DNAH6: variants seen among roughly 807,000 people sequenced by gnomAD.
The protein encoded by DNAH6 is dynein axonemal heavy chain 6, also known as axonemal beta dynein heavy chain 6.
DNAH6 carries 340 observed loss-of-function variants against 491.4 expected under a neutral mutation model. The observed-to-expected ratio is 0.69, with a 90% CI of 0.63 to 0.76. The LOEUF (loss-of-function observed/expected upper bound fraction) is 0.76, where lower values mean the gene tolerates loss of function less well. Among genes scored for constraint, DNAH6 ranks in the 30% least tolerant of loss-of-function variants. DNAH6 has a pLI of 0.00. For missense variants in DNAH6, 4,443 were observed against 4,972.2 expected (o/e 0.89, Z 3.20); for synonymous variants, 1,603 against 1,686.1 (o/e 0.95, Z 1.21).
intron 68 of DNAH6, among the ~76,000 whole-genome samples, chr2:84,791,160 A>G (rs1040536164): frequency 4.2e-4 from 64 of 151,116 alleles, no homozygotes; most frequent in African/African-American, 1.4e-3. Context: ...ACTGCACTCC[A>G]GCCTGGGCGA....
chr2:84,567,999 T>C (rs1681389560), intron 11 of DNAH6, among the ~76,000 whole-genome samples: 1 of 152,150 alleles, frequency 6.6e-6, no homozygotes, highest in African/African-American at 2.4e-5. Flanking sequence ...TCACTGATCA[T>C]TAGAGAAATG....
Position 84,715,609 on chromosome 2 carries a change from TGGA to T in DNAH6, c.9597_9599del (p.Glu3199del). The T allele has an allele frequency of 1.3e-6, 2 of 1,551,592 alleles. No homozygotes were observed. Among genetic ancestry groups the T allele is most frequent in the Non-Finnish European group, 1.7e-6 (2 of 1,146,932 alleles). ...AATTTCACTGTAACAAAATCAGGCC[TGGA>T]GGATCAGTTGTTAAGGTAAAAAAAC... is the stretch of plus-strand genomic sequence containing the variant. On this transcript the variant is annotated inframe_deletion, in exon 58 of 77. Coordinates refer to ENST00000389394, the MANE Select transcript of DNAH6 (RefSeq NM_001370.2).
At chr2:84,586,736 G>T (rs950841497) in intron 15 of DNAH6, among the ~76,000 whole-genome samples, 1 of 152,170 alleles carries the variant, frequency 6.6e-6, no homozygotes, top group African/African-American at 2.4e-5. Flanking sequence ...TAAGTAACTT[G>T]CCAAGGGTCA....
chr2:84,804,833 T>G (rs1679264389), intron 70 of DNAH6, among the ~76,000 whole-genome samples: 1 of 152,212 alleles, frequency 6.6e-6, no homozygotes, highest in Non-Finnish European at 1.5e-5. Flanking sequence ...TATTTCCTTT[T>G]GAAATAGGGC....
intron 29 of DNAH6, among the ~76,000 whole-genome samples, chr2:84,632,752 G>C (rs1184458961): frequency 6.6e-6 from 1 of 152,048 alleles, no homozygotes; most frequent in East Asian, 1.9e-4. Flanking sequence ...TCCAGGGACT[G>C]TTTCTTATCT....
intron 3 of DNAH6, among the ~76,000 whole-genome samples, chr2:84,527,677 A>G (rs1676733103): frequency 6.6e-6 from 1 of 152,194 alleles, no homozygotes; most frequent in South Asian, 2.1e-4. Flanking sequence ...AGTCAAAGAC[A>G]CACATTTTAC....
intron 3 of DNAH6, among the ~76,000 whole-genome samples, chr2:84,526,722 CAT>C (rs889210797): frequency 6.6e-6 from 1 of 152,008 alleles, no homozygotes; most frequent in African/African-American, 2.4e-5. Context: ...AGAATGAAAT[CAT>C]ATGATGAACT....
chr2:84,597,013 C>T (rs1684660440), intron 18 of DNAH6, among the ~76,000 whole-genome samples: 1 of 151,982 alleles, frequency 6.6e-6, no homozygotes, highest in Non-Finnish European at 1.5e-5. Flanking sequence ...GTAATGTATC[C>T]AATACAATAG....
chr2:84,788,700 C>T (rs1008842675), intron 68 of DNAH6, among the ~76,000 whole-genome samples: 1 of 152,064 alleles, frequency 6.6e-6, no homozygotes, highest in African/African-American at 2.4e-5. Context: ...TTTATCAGGT[C>T]GATTTATTTT....
At chr2:84,815,613 TAAGA>T (rs1204925733) in intron 75 of DNAH6, among the ~76,000 whole-genome samples, 1 of 152,220 alleles carries the variant, frequency 6.6e-6, no homozygotes, top group Non-Finnish European at 1.5e-5. Context: ...AAAACCTTGC[TAAGA>T]ATAACAGACG....
chr2:84,790,636 A>T (rs949625341), intron 68 of DNAH6, among the ~76,000 whole-genome samples: 7 of 152,232 alleles, frequency 4.6e-5, no homozygotes, highest in African/African-American at 1.7e-4. Context: ...ACATGTCAAG[A>T]TGCTCAATTT....
chr2:84,580,603 A>G (rs1175448705), intron 14 of DNAH6, among the ~76,000 whole-genome samples: 1 of 152,234 alleles, frequency 6.6e-6, no homozygotes, highest in East Asian at 1.9e-4. Flanking sequence ...ATTTCACATG[A>G]CTACAAAGGT....
intron 68 of DNAH6, among the ~76,000 whole-genome samples, chr2:84,795,016 A>T (rs1243687065): frequency 1.6e-4 from 24 of 150,370 alleles, no homozygotes; most frequent in African/African-American, 5.1e-4. Context: ...TGATGAGTTC[A>T]TGTCCTTTGT....
At chr2:84,780,970 G>T (rs1178538341) in intron 64 of DNAH6, among the ~76,000 whole-genome samples, 2 of 152,124 alleles carry the variant, frequency 1.3e-5, no homozygotes, top group Non-Finnish European at 2.9e-5. Context: ...ATTCAAAATT[G>T]TTTTTGCCTT....
chr2:84,801,304 C>T (rs571764355), intron 70 of DNAH6, among the ~76,000 whole-genome samples: 1 of 140,444 alleles, frequency 7.1e-6, no homozygotes, highest in Non-Finnish European at 1.6e-5. Context: ...AACTGGAAAA[C>T]ATATTTGAGT....
Position 84,814,104 on chromosome 2 carries a change from A to C in DNAH6, c.12132A>C (p.Glu4044Asp). The change falls in exon 75 of 77, where the codon GAA becomes GAC. Residue 4044 changes from glutamate (E) to aspartate (D), a missense_variant. Physicochemically the swap from Glu to Asp is conservative, Grantham distance 45. This residue lies in a region of DNAH6 where 1,463 missense variants were observed against 1,656.6 expected (regional missense o/e 0.88). Transcript: ENST00000389394. ...EAAKTVQFGQ[E>D]LPMDMELPSP... ...CCAAGACAGTGCAATTTGGACAAGA[A>C]CTGCCCATGGACATGGAGGTATTGT... 1 of 1,551,636 alleles carries C rather than the reference A, an allele frequency of 6.4e-7. No homozygotes were observed. Among genetic ancestry groups the C allele is most frequent in the South Asian group, 1.2e-5 (1 of 84,046 alleles).
intron 62 of DNAH6, among the ~76,000 whole-genome samples, chr2:84,743,090 A>G (rs1216075685): frequency 2.6e-5 from 4 of 152,188 alleles, no homozygotes; most frequent in South Asian, 4.1e-4. Context: ...AAAAATACTC[A>G]TAGAAGAAAC....
In DNAH6 at chr2:84,694,240, T is replaced by A. The variant is rs1182338796; in HGVS notation, c.7293-9T>A. ...ACTTGAAATAAACCCTCTGCTCTGA[T>A]GTTTGCAGGATTGCTCGGATGATAC... On this transcript the variant is annotated splice_polypyrimidine_tract_variant and intron_variant, in intron 45 of 76. Coordinates refer to ENST00000389394, the MANE Select transcript of DNAH6 (RefSeq NM_001370.2). 6.4e-7 allele frequency: 1 copy of A among 1,550,734 alleles called. No homozygotes were observed. The highest frequency in any genetic ancestry group is 8.7e-7 in the Non-Finnish European group (1 of 1,146,020).
chr2:84,578,463 T>A (rs1682694490), intron 13 of DNAH6, among the ~76,000 whole-genome samples: 3 of 152,078 alleles, frequency 2.0e-5, no homozygotes, highest in Admixed American at 1.3e-4. Context: ...GTCCAGAGAT[T>A]GGGTCGATAT....
Sources: allele counts gnomAD v4.1 joint callset (sites outside exome capture counted in the v4.1 genomes callset), GRCh38; gene constraint gnomAD v4.1.1; regional missense constraint gnomAD v4.1.1; transcripts MANE v1.5; gene names NCBI Gene and HGNC (gene_info 2026-07-23, HGNC 2026-07-21).